Variants in ABCA13 observed in about 807,000 individuals in gnomAD.
ABCA13 encodes the protein ATP-binding cassette sub-family A member 13.
In ABCA13, 476 loss-of-function variants were observed where a neutral mutation model predicts 478.7. The ratio of observed to expected loss-of-function variants is 0.99; its 90% CI spans 0.92 to 1.07. The LOEUF (loss-of-function observed/expected upper bound fraction) is 1.07. Among genes scored for constraint, ABCA13 ranks in the 50% least tolerant of loss-of-function variants. The pLI is 0.00. For missense variants in ABCA13, 6,060 were observed against 5,910.6 expected (o/e 1.03, Z -0.83); for synonymous variants, 2,252 against 2,158.9 (o/e 1.04, Z -1.20).
intron 55 of ABCA13, among the ~76,000 whole-genome samples, chr7:48,532,924 A>G (rs1046466574): frequency 6.6e-6 from 1 of 152,006 alleles, no homozygotes; most frequent in South Asian, 2.1e-4. Context: ...CTAATGGTCT[A>G]TCAATTTGAT....
chr7:48,335,593 G>C, intron 28 of ABCA13, 58 bp downstream of exon 28: 1 of 1,375,030 alleles, frequency 7.3e-7, no homozygotes, highest in South Asian at 1.2e-5. Flanking sequence ...GCATGTCCGA[G>C]ACATCAGGGC....
At chr7:48,609,835 C>T (rs924819704) in intron 58 of ABCA13, among the ~76,000 whole-genome samples, 1 of 152,180 alleles carries the variant, frequency 6.6e-6, no homozygotes, top group African/African-American at 2.4e-5. Flanking sequence ...CTCATGAGAA[C>T]TCACTCACTA....
chr7:48,257,030 G>T (rs1793499525), intron 15 of ABCA13, among the ~76,000 whole-genome samples: 1 of 152,032 alleles, frequency 6.6e-6, no homozygotes, highest in African/African-American at 2.4e-5. Flanking sequence ...TCGCCTTCCT[G>T]GTTAGCTGTA....
At chr7:48,276,736 AT>A (rs1796358604) in intron 17 of ABCA13, among the ~76,000 whole-genome samples, 171 bp downstream of exon 17, 1 of 152,240 alleles carries the variant, frequency 6.6e-6, no homozygotes, top group Admixed American at 6.5e-5. Context: ...AGGTAAAAGA[AT>A]TTTGATTACT....
chr7:48,575,985 C>T (rs1788140996), intron 55 of ABCA13, among the ~76,000 whole-genome samples: 1 of 152,102 alleles, frequency 6.6e-6, no homozygotes, highest in African/African-American at 2.4e-5. Context: ...TGAACATGTA[C>T]AGACTTTTCC....
intron 1 of ABCA13, among the ~76,000 whole-genome samples, chr7:48,190,827 G>A (rs1797009483): frequency 6.6e-6 from 1 of 152,078 alleles, no homozygotes; most frequent in Non-Finnish European, 1.5e-5. Context: ...TTATCCTATA[G>A]GAGAGTGGTT....
At chr7:48,376,819 C>T (rs1405349255) in intron 35 of ABCA13, among the ~76,000 whole-genome samples, 1 of 152,062 alleles carries the variant, frequency 6.6e-6, no homozygotes, top group Non-Finnish European at 1.5e-5. Flanking sequence ...TCACCAGGCC[C>T]ACCAAGCAGC....
chr7:48,494,690 C>A (rs1830124399), intron 48 of ABCA13, among the ~76,000 whole-genome samples: 1 of 151,970 alleles, frequency 6.6e-6, no homozygotes, highest in South Asian at 2.1e-4. Flanking sequence ...GTGTTTATAT[C>A]TGCATAAATA....
chr7:48,360,107 T>C (rs1339406513), intron 31 of ABCA13, among the ~76,000 whole-genome samples: 1 of 151,942 alleles, frequency 6.6e-6, no homozygotes, highest in Middle Eastern at 3.2e-3. Context: ...TTGTTACATA[T>C]GTATACATGT....
At chr7:48,562,757 T>C (rs1472471143) in intron 55 of ABCA13, among the ~76,000 whole-genome samples, 1 of 152,150 alleles carries the variant, frequency 6.6e-6, no homozygotes, top group African/African-American at 2.4e-5. Flanking sequence ...AAGGTACATA[T>C]GCATCCTGAA....
At position 48,297,266 on chromosome 7, in the gene ABCA13, G is replaced by C; in HGVS notation, c.9154G>C (p.Gly3052Arg). The change falls in exon 22 of 62, where the codon GGG becomes CGG. Residue 3052 changes from glycine (G) to arginine (R), a missense_variant. By Grantham distance (125) the Gly-to-Arg change is moderately radical. Around this residue, in one of 3 missense-constraint regions of ABCA13, gnomAD observed 4,423 missense variants for 4,309.1 expected, o/e 1.03. Coordinates refer to ENST00000435803, the MANE Select transcript of ABCA13 (RefSeq NM_152701.5). ...AKSLEETWSSGNPIMTFLSNF... is the reference protein window; with the variant it reads ...AKSLEETWSSRNPIMTFLSNF... ...AAGCCTCGAGGAAACTTGGTCATCA[G>C]GGAATCCCATCATGACTTTTCTCAG... 1 of 1,609,410 alleles carries C rather than the reference G, an allele frequency of 6.2e-7. No individual in the cohort carries two copies. The highest frequency in any genetic ancestry group is 8.5e-7 in the Non-Finnish European group (1 of 1,177,834).
chr7:48,197,264 AAAAGAG>A (rs1798052541), intron 2 of ABCA13, among the ~76,000 whole-genome samples: 1 of 152,132 alleles, frequency 6.6e-6, no homozygotes, highest in South Asian at 2.1e-4. Flanking sequence ...AGGGACTGGG[AAAAGAG>A]AAAGACAAGA....
chr7:48,410,197 T>C (rs1818816606), intron 39 of ABCA13, among the ~76,000 whole-genome samples: 1 of 151,336 alleles, frequency 6.6e-6, no homozygotes, highest in Admixed American at 6.6e-5. Context: ...GTTCATTCAG[T>C]GATCTGCTTC....
chr7:48,587,496 T>C, intron 57 of ABCA13, among the ~76,000 whole-genome samples: 1 of 152,326 alleles, frequency 6.6e-6, no homozygotes, highest in Middle Eastern at 3.4e-3. Context: ...TAGATTCACT[T>C]ATATTTGTCA....
intron 5 of ABCA13, among the ~76,000 whole-genome samples, chr7:48,224,188 C>T (rs1787812374): frequency 6.6e-6 from 1 of 152,164 alleles, no homozygotes; most frequent in Admixed American, 6.5e-5. Context: ...CACAGGGCCC[C>T]ATGTCAAACA....
At chr7:48,601,104 C>T (rs1790849551) in intron 58 of ABCA13, among the ~76,000 whole-genome samples, 1 of 151,602 alleles carries the variant, frequency 6.6e-6, no homozygotes, top group Non-Finnish European at 1.5e-5. Flanking sequence ...TGGTGTTGAC[C>T]CCTCTAGTGA....
chr7:48,404,205 G>T, intron 39 of ABCA13: 2 of 333,040 alleles, frequency 6.0e-6, no homozygotes, highest in South Asian at 4.7e-5. Flanking sequence ...CAGATCATAG[G>T]ACAAGCCTCC....
intron 39 of ABCA13, among the ~76,000 whole-genome samples, chr7:48,408,369 A>G (rs1283448880): frequency 6.6e-6 from 1 of 152,200 alleles, no homozygotes; most frequent in African/African-American, 2.4e-5. Flanking sequence ...GAACTACATG[A>G]TAGCTCTAGT....
At chr7:48,324,658 A>C (rs1157756912) in intron 27 of ABCA13, among the ~76,000 whole-genome samples, 1 of 152,224 alleles carries the variant, frequency 6.6e-6, no homozygotes, top group South Asian at 2.1e-4. Context: ...GTAGGACTGC[A>C]TACTAAAAAC....
Sources: allele counts gnomAD v4.1 joint callset (sites outside exome capture counted in the v4.1 genomes callset), GRCh38; gene constraint gnomAD v4.1.1; regional missense constraint gnomAD v4.1.1; transcripts MANE v1.5; gene names NCBI Gene and HGNC (gene_info 2026-07-23, HGNC 2026-07-21).